CRBN: variants seen among roughly 807,000 people sequenced by gnomAD.
The protein encoded by CRBN is cereblon, also known as protein cereblon.
Under a neutral mutation model 62.2 loss-of-function variants are expected in CRBN, and 53 were observed. The ratio of observed to expected loss-of-function variants is 0.85; its 90% confidence interval spans 0.68 to 1.07. The LOEUF is 1.07. Among genes scored for constraint, CRBN ranks in the 50% least tolerant of loss-of-function variants. The pLI is 0.00. For missense variants in CRBN, 616 were observed against 531.1 expected (o/e 1.16, Z -1.57); for synonymous variants, 208 against 176.1 (o/e 1.18, Z -1.43).
At chr3:3,162,602 A>G (rs1341089712) in intron 5 of CRBN, among the ~76,000 whole-genome samples, 1 of 152,204 alleles carries the variant, frequency 6.6e-6, no homozygotes, top group East Asian at 1.9e-4. Flanking sequence ...ATTTTATTTC[A>G]TGTCATTTGA....
At chr3:3,179,513 C>T (rs1217947372) in intron 1 of CRBN, 108 bp downstream of exon 1, 6 of 1,103,742 alleles carry the variant, frequency 5.4e-6, no homozygotes, top group African/African-American at 1.6e-5. Flanking sequence ...GCTGGGCTGG[C>T]TCGCCAGGCT....
chr3:3,175,068 TC>T, intron 2 of CRBN, 94 bp downstream of exon 2: 1 of 815,888 alleles, frequency 1.2e-6, no homozygotes, highest in Non-Finnish European at 2.1e-6. Context: ...ATTTCTGATA[TC>T]TAGTAATACA....
chr3:3,177,627 G>A (rs1472410543), intron 1 of CRBN, among the ~76,000 whole-genome samples: 1 of 152,168 alleles, frequency 6.6e-6, no homozygotes, highest in Non-Finnish European at 1.5e-5. Context: ...ACTACAGAAA[G>A]TTTAAAAGAT....
chr3:3,167,315 A>G (rs1041844809), intron 5 of CRBN: 12 of 238,890 alleles, frequency 5.0e-5, no homozygotes, highest in Middle Eastern at 1.6e-3. Context: ...ATGGATGTTT[A>G]TAACTCAAGA....
rs369965416 is a variant in CRBN at position 3,150,919 on chromosome 3, C to T, written c.1275G>A (p.Thr425=). The T allele has an allele frequency of 2.0e-5, 33 of 1,613,790 alleles. No individual in the cohort carries two copies. Among genetic ancestry groups the T allele is most frequent in the Non-Finnish European group, 2.5e-5 (30 of 1,179,946 alleles). The change falls in exon 11 of 11, where the codon ACG becomes ACA. Residue 425 remains threonine (T), a synonymous_variant. Coordinates refer to ENST00000231948, the MANE Select transcript of CRBN (RefSeq NM_016302.4). ...TTATTTCATCTTCAGTGTCTGGGAT[C>T]GTGGGCAACAGAGCAGATCGCGTTA... ...WGLTRSALLP[T]IPDTEDEISP...
intron 5 of CRBN, among the ~76,000 whole-genome samples, chr3:3,157,041 G>A (rs183085035): frequency 1.3e-5 from 2 of 152,284 alleles, no homozygotes; most frequent in Non-Finnish European, 1.5e-5. Flanking sequence ...CATATTCAGT[G>A]CAATACCAGT....
intron 5 of CRBN, 109 bp downstream of exon 5, chr3:3,167,525 T>C (rs945517569): frequency 1.1e-5 from 12 of 1,072,970 alleles, no homozygotes; most frequent in African/African-American, 3.1e-5. Context: ...AATATTGCCA[T>C]ACAAGGTGGC....
At chr3:3,155,192 A>T in intron 6 of CRBN, 1 of 235,204 alleles carries the variant, frequency 4.3e-6, no homozygotes, top group Non-Finnish European at 8.4e-6. Flanking sequence ...TTGCACTAGC[A>T]CTTGCTATCT....
intron 4 of CRBN, among the ~76,000 whole-genome samples, chr3:3,169,090 C>G (rs1463184412): frequency 6.6e-6 from 1 of 152,118 alleles, no homozygotes; most frequent in Non-Finnish European, 1.5e-5. Context: ...ATGCTTTACC[C>G]AACTATTGTA....
chr3:3,177,207 C>A (rs918371265), intron 1 of CRBN, among the ~76,000 whole-genome samples: 20 of 152,184 alleles, frequency 1.3e-4, no homozygotes, highest in African/African-American at 4.6e-4. Flanking sequence ...CCTCCCAGTT[C>A]ATGTATTTTT....
chr3:3,173,726 A>C (rs894424706), intron 3 of CRBN, among the ~76,000 whole-genome samples: 6 of 152,244 alleles, frequency 3.9e-5, no homozygotes, highest in African/African-American at 1.4e-4. Context: ...CTTTACGTTA[A>C]AATAAAAAAG....
At chr3:3,154,319 A>C (rs900870285) in intron 7 of CRBN, 8 of 516,106 alleles carry the variant, frequency 1.6e-5, no homozygotes, top group African/African-American at 1.3e-4. Context: ...ACTCAAATCC[A>C]TGTTAGAAGT....
intron 4 of CRBN, among the ~76,000 whole-genome samples, chr3:3,170,112 T>A (rs1057157456): frequency 1.3e-5 from 2 of 152,152 alleles, no homozygotes; most frequent in African/African-American, 4.8e-5. Flanking sequence ...CCCGAACAGC[T>A]GGAATTACAG....
chr3:3,156,023 T>C, intron 6 of CRBN, 196 bp downstream of exon 6: 1 of 571,810 alleles, frequency 1.7e-6, no homozygotes. Flanking sequence ...AGGCTGGTCT[T>C]GAATGCCTGG....
At chr3:3,175,351 G>A (rs75631454) in intron 1 of CRBN, 82 bp from the exon 2 acceptor site, 47,125 of 1,045,966 alleles carry the variant, frequency 0.045, 1,259 homozygotes, top group East Asian at 0.052. Context: ...CAAAAGAGGG[G>A]TACTTCTAAA....
At chr3:3,152,348 T>G in intron 10 of CRBN, 108 bp downstream of exon 10, 1 of 1,222,128 alleles carries the variant, frequency 8.2e-7, no homozygotes, top group Non-Finnish European at 1.2e-6. Flanking sequence ...CATTTGTCTG[T>G]CTACTTTTTA....
rs1707792171 is a variant in CRBN at position 3,175,348 on chromosome 3, G to C, written c.68-79C>G. ...AACATGTAATTCCTTCTTCAAAAGA[G>C]GGGTACTTCTAAAACCACATGCATT... On this transcript the variant is annotated intron_variant, in intron 1 of 10. Coordinates refer to ENST00000231948, the MANE Select transcript of CRBN (RefSeq NM_016302.4). 4 of 1,068,916 alleles carry C rather than the reference G, an allele frequency of 3.7e-6. No homozygotes were observed. The South Asian group carries it at 3.8e-5, about 10-fold the overall frequency. The allele number at this position is 1,068,916 out of a possible 1,614,324, so 66.2% of individuals were successfully genotyped here.
At chr3:3,179,062 AC>A (rs1345711049) in intron 1 of CRBN, among the ~76,000 whole-genome samples, 1 of 152,150 alleles carries the variant, frequency 6.6e-6, no homozygotes, top group East Asian at 1.9e-4. Flanking sequence ...TGACAGACAC[AC>A]CCGGGTTGGA....
intron 9 of CRBN, chr3:3,153,095 C>G (rs1248546281): frequency 6.3e-6 from 2 of 316,980 alleles, no homozygotes; most frequent in African/African-American, 4.3e-5. Flanking sequence ...AAACTGATGA[C>G]TGAAATGTAA....
Sources: allele counts gnomAD v4.1 joint callset (sites outside exome capture counted in the v4.1 genomes callset), GRCh38; gene constraint gnomAD v4.1.1; transcripts MANE v1.5; gene names NCBI Gene and HGNC (gene_info 2026-07-23, HGNC 2026-07-21).